Variants in LINGO2 observed in about 807,000 individuals in gnomAD.
LINGO2 encodes leucine-rich repeat and immunoglobulin-like domain-containing nogo receptor-interacting protein 2.
LINGO2 carries 14 observed loss-of-function variants against 30.6 expected under a neutral mutation model. The observed-to-expected ratio is 0.46, with a 90% confidence interval of 0.30 to 0.72. The LOEUF is 0.72. Ranked by LOEUF, LINGO2 falls within the 30% of genes least tolerant of loss-of-function variation. LINGO2 has a pLI of 0.07. For synonymous variants in LINGO2, 317 were observed against 288.5 expected, an observed-to-expected ratio of 1.10 and a Z score of -1.00; for missense variants, 729 against 751.7, an observed-to-expected ratio of 0.97 and a Z score of 0.35.
chr9:28,797,357 T>TAGAG, the LINGO2 span, among the ~76,000 whole-genome samples: 551 of 55,130 alleles, frequency 1.0e-2, 2 homozygotes, highest in Admixed American at 0.012. Context: ...TATATATATA[T>TAGAG]ATAGAGAGAG....
At chr9:28,858,628 T>G in the LINGO2 span, among the ~76,000 whole-genome samples, 2 of 151,998 alleles carry the variant, frequency 1.3e-5, no homozygotes, top group Non-Finnish European at 2.9e-5. Context: ...ATCAGGATAA[T>G]GGTTACTTCA....
chr9:29,095,338 A>T, the LINGO2 span, among the ~76,000 whole-genome samples: 14 of 138,626 alleles, frequency 1.0e-4, 3 homozygotes, highest in Non-Finnish European at 1.7e-4. Flanking sequence ...TCAAAAGGAA[A>T]AATAATCGCT....
intron 4 of LINGO2, among the ~76,000 whole-genome samples, chr9:28,195,301 C>T (rs2133793192): frequency 6.6e-6 from 1 of 151,448 alleles, no homozygotes; most frequent in Middle Eastern, 3.4e-3. Flanking sequence ...TCCTCTCTAC[C>T]CTCATTTATA....
chr9:27,989,367 T>C (rs1312296350), intron 5 of LINGO2, among the ~76,000 whole-genome samples: 1 of 151,980 alleles, frequency 6.6e-6, no homozygotes, highest in African/African-American at 2.4e-5. Flanking sequence ...GATTTTATCC[T>C]ACCTATTGCT....
the LINGO2 span, among the ~76,000 whole-genome samples, chr9:28,861,121 A>G: frequency 2.2e-4 from 26 of 119,492 alleles, no homozygotes; most frequent in South Asian, 1.1e-3. Flanking sequence ...TATTTATATA[A>G]TATAAATTAT....
At chr9:28,705,069 C>T in the LINGO2 span, among the ~76,000 whole-genome samples, 1 of 151,980 alleles carries the variant, frequency 6.6e-6, no homozygotes, top group Non-Finnish European at 1.5e-5. Context: ...TAAGCACCAC[C>T]ATGCCTGGCT....
At chr9:29,194,858 T>C in the LINGO2 span, among the ~76,000 whole-genome samples, 1 of 152,234 alleles carries the variant, frequency 6.6e-6, no homozygotes, top group Non-Finnish European at 1.5e-5. Context: ...CTACTCATCA[T>C]ATTCAAATTT....
chr9:27,979,704 C>G (rs1207561885), intron 5 of LINGO2, among the ~76,000 whole-genome samples: 2 of 151,868 alleles, frequency 1.3e-5, no homozygotes, highest in Non-Finnish European at 2.9e-5. Context: ...TGCAATGTCA[C>G]TGTAATTTGG....
intron 2 of LINGO2, among the ~76,000 whole-genome samples, chr9:28,440,442 C>G (rs1360111102): frequency 1.3e-5 from 2 of 152,060 alleles, no homozygotes; most frequent in East Asian, 3.9e-4. Flanking sequence ...AAATAGTGCC[C>G]CTTTGGAAAA....
At chr9:28,420,359 G>C (rs1206161547) in intron 2 of LINGO2, among the ~76,000 whole-genome samples, 1 of 152,078 alleles carries the variant, frequency 6.6e-6, no homozygotes, top group Non-Finnish European at 1.5e-5. Flanking sequence ...ATAGTGAATA[G>C]AGGAACATTC....
At chr9:28,645,650 A>G (rs1398297427) in intron 1 of LINGO2, among the ~76,000 whole-genome samples, 1 of 152,144 alleles carries the variant, frequency 6.6e-6, no homozygotes, top group Non-Finnish European at 1.5e-5. Flanking sequence ...CTAGAAAAAA[A>G]TAAGACAAGT....
At chr9:28,945,987 T>C in the LINGO2 span, among the ~76,000 whole-genome samples, 1 of 152,196 alleles carries the variant, frequency 6.6e-6, no homozygotes, top group South Asian at 2.1e-4. Context: ...TTTGTCCTTA[T>C]TCTGGAAGAT....
At chr9:28,762,887 GAAGA>G in the LINGO2 span, among the ~76,000 whole-genome samples, 1 of 151,994 alleles carries the variant, frequency 6.6e-6, no homozygotes, top group Non-Finnish European at 1.5e-5. Context: ...AGGAAGGAAA[GAAGA>G]AAGAGAGGAA....
the LINGO2 span, among the ~76,000 whole-genome samples, chr9:29,184,371 C>T: frequency 1.3e-5 from 2 of 151,268 alleles, no homozygotes; most frequent in Non-Finnish European, 2.9e-5. Context: ...CAACATCATG[C>T]TATATGTTTT....
At chr9:28,986,015 C>T in the LINGO2 span, among the ~76,000 whole-genome samples, 175 of 152,048 alleles carry the variant, frequency 1.2e-3, 1 homozygote, top group African/African-American at 4.0e-3. Context: ...GTCTTTAATC[C>T]ATCTTGAGTA....
At chr9:28,459,501 G>GA (rs11412976) in intron 2 of LINGO2, among the ~76,000 whole-genome samples, 72,040 of 151,300 alleles carry the variant, frequency 0.48, 18,574 homozygotes, top group Middle Eastern at 0.62. Context: ...CTATGTGCCA[G>GA]AAAAAAAAGT....
At chr9:28,687,669 T>A in the LINGO2 span, among the ~76,000 whole-genome samples, 1 of 152,110 alleles carries the variant, frequency 6.6e-6, no homozygotes, top group African/African-American at 2.4e-5. Context: ...CTCTGCAAGC[T>A]CTATGCACAT....
chr9:28,822,687 A>G, the LINGO2 span, among the ~76,000 whole-genome samples: 8 of 152,220 alleles, frequency 5.3e-5, no homozygotes, highest in African/African-American at 1.7e-4. Flanking sequence ...TCAGACTCCA[A>G]GTTCTTCAGT....
chr9:28,103,276 C>T (rs1315913459), intron 4 of LINGO2, among the ~76,000 whole-genome samples: 1 of 152,048 alleles, frequency 6.6e-6, no homozygotes, highest in Non-Finnish European at 1.5e-5. Context: ...TTTACATGTG[C>T]TGTGTTAGAT....
Sources: gnomAD v4.1 joint callset for allele counts (sites outside exome capture counted in the v4.1 genomes callset) on GRCh38, gnomAD v4.1.1 for gene constraint, MANE v1.5 for transcripts, NCBI Gene and HGNC (gene_info 2026-07-23, HGNC 2026-07-21) for gene names.